The following STK4 variants were observed in gnomAD, a reference collection of about 807,000 sequenced individuals.
STK4 encodes the protein serine/threonine-protein kinase 4.
STK4 carries 30 observed loss-of-function variants against 64.9 expected under a neutral mutation model. That is an observed-to-expected ratio of 0.46 (90% CI 0.35 to 0.63). The LOEUF (loss-of-function observed/expected upper bound fraction) is 0.63. STK4 is among the 20% of genes least tolerant of loss of function. The pLI is 0.01. For missense variants in STK4, 466 were observed against 598.5 expected (o/e 0.78, Z 2.31); for synonymous variants, 177 against 199.0 (o/e 0.89, Z 0.93).
Position 45,019,077 on chromosome 20 carries a change from A to G in STK4, c.1148-5896A>G, listed in dbSNP as rs530561343. 5.6e-3 allele frequency among the ~76,000 whole-genome samples: 846 copies of G among 152,274 alleles called. 3 individuals carry two copies. Among genetic ancestry groups the G allele is most frequent in the Non-Finnish European group, 8.6e-3 (587 of 68,018 alleles). The stretch of plus-strand genomic sequence containing the variant: ...TAATTTATATGTCATAAAATTTGCC[A>G]TTTTAAAGCATAGAATTCAGTGTTT... On this transcript the variant is annotated intron_variant, in intron 9 of 10. Transcript: ENST00000372806.
intron 7 of STK4, 90 bp from the exon 8 acceptor site, chr20:45,000,302 A>G (rs1449435316): frequency 3.4e-6 from 5 of 1,455,308 alleles, no homozygotes; most frequent in Non-Finnish European, 4.6e-6. Context: ...GATTCAACAC[A>G]TGTTATCCAG....
Position 44,987,187 on chromosome 20 carries a change from A to G in STK4, c.416A>G (p.Tyr139Cys). The G allele has an allele frequency of 1.9e-6, 3 of 1,611,920 alleles. No homozygotes were observed. The highest frequency in any genetic ancestry group is 1.7e-6 in the Non-Finnish European group (2 of 1,178,788). Residue 139 changes from tyrosine to cysteine, a missense_variant, in exon 5 of 11, where the codon TAC becomes TGC. By Grantham distance (194) the Tyr-to-Cys change is radical. Around this residue, in one of 2 missense-constraint regions of STK4, gnomAD observed 190 missense variants for 289.7 expected, o/e 0.66. Coordinates refer to ENST00000372806, the MANE Select transcript of STK4 (RefSeq NM_006282.5). ...ILQSTLKGLE[Y>C]LHFMRKIHRD... ...CAATCAACTCTTAAGGGACTTGAATACCTTCATTTTATGAGAAAAATACAC... is the reference window on the plus strand; with the variant it reads ...CAATCAACTCTTAAGGGACTTGAATGCCTTCATTTTATGAGAAAAATACAC...
At chr20:45,012,386 G>T (rs1224952450) in intron 9 of STK4, among the ~76,000 whole-genome samples, 1 of 152,092 alleles carries the variant, frequency 6.6e-6, no homozygotes, top group Non-Finnish European at 1.5e-5. Flanking sequence ...AATACTACTG[G>T]AATTTTGACT....
chr20:44,984,314 C>A (rs1050975274), intron 4 of STK4, among the ~76,000 whole-genome samples: 1 of 147,542 alleles, frequency 6.8e-6, no homozygotes, highest in Non-Finnish European at 1.5e-5. Flanking sequence ...CCTGCCTTAG[C>A]CTCCCTGGTA....
chr20:45,058,096 C>T (rs886571128), intron 10 of STK4, among the ~76,000 whole-genome samples: 2 of 150,790 alleles, frequency 1.3e-5, no homozygotes, highest in Non-Finnish European at 3.0e-5. Context: ...CACCCCTACC[C>T]CTATCTAGAC....
At chr20:45,026,896 T>G (rs2068357811) in intron 10 of STK4, among the ~76,000 whole-genome samples, 1 of 152,182 alleles carries the variant, frequency 6.6e-6, no homozygotes, top group African/African-American at 2.4e-5. Flanking sequence ...CACACCAGGC[T>G]GCCACTGCTA....
chr20:44,967,169 G>C (rs1166182502), intron 1 of STK4: 1 of 985,200 alleles, frequency 1.0e-6, no homozygotes, highest in Non-Finnish European at 1.2e-6. Context: ...GGATGCTGTT[G>C]GTGGTGTCCC....
At chr20:45,007,592 T>G (rs529034628) in intron 9 of STK4, among the ~76,000 whole-genome samples, 1 of 151,978 alleles carries the variant, frequency 6.6e-6, no homozygotes, top group Non-Finnish European at 1.5e-5. Context: ...GAGTCTATGC[T>G]CTCTTCATTC....
chr20:45,073,030 G>C lies in STK4; in HGVS notation c.1306-1988G>C, dbSNP rs548077511. On this transcript the variant is annotated intron_variant, in intron 10 of 10. Coordinates refer to ENST00000372806, the MANE Select transcript of STK4 (RefSeq NM_006282.5). ...TCCAAAGGAGGAAACCGAGGCTCAAGAGGTGAAATTACTGTTTAAGGTTAC... is the reference window on the plus strand; with the variant it reads ...TCCAAAGGAGGAAACCGAGGCTCAACAGGTGAAATTACTGTTTAAGGTTAC... Among the ~76,000 whole-genome samples, 60 of 152,272 alleles carry C rather than the reference G, an allele frequency of 3.9e-4. 1 individual carries two copies. In the South Asian group the frequency reaches 0.012, roughly 31 times the overall value.
intron 6 of STK4, 82 bp from the exon 7 acceptor site, chr20:44,997,087 A>G: frequency 6.3e-7 from 1 of 1,586,300 alleles, no homozygotes. Context: ...CCAAGCTTCA[A>G]ATGTAATTCC....
At chr20:45,058,864 C>T (rs1017962743) in intron 10 of STK4, among the ~76,000 whole-genome samples, 7 of 152,146 alleles carry the variant, frequency 4.6e-5, no homozygotes, top group Non-Finnish European at 1.0e-4. Flanking sequence ...ACATCAAGAG[C>T]CTCGCATTCT....
At chr20:45,008,516 A>G (rs1203501296) in intron 9 of STK4, among the ~76,000 whole-genome samples, 2 of 152,170 alleles carry the variant, frequency 1.3e-5, no homozygotes, top group East Asian at 3.8e-4. Flanking sequence ...TCATCGTATG[A>G]ATGCATGTGC....
intron 10 of STK4, chr20:45,053,010 C>G (rs1407448898): frequency 6.2e-6 from 7 of 1,125,326 alleles, no homozygotes; most frequent in Non-Finnish European, 9.2e-6. Flanking sequence ...TCCTGTAAAG[C>G]TTGGTTTAAA....
At chr20:45,057,905 G>C (rs138091055) in intron 10 of STK4, among the ~76,000 whole-genome samples, 1 of 152,022 alleles carries the variant, frequency 6.6e-6, no homozygotes, top group Non-Finnish European at 1.5e-5. Context: ...AACAGTTGCC[G>C]AAAAGAATAA....
intron 3 of STK4, among the ~76,000 whole-genome samples, chr20:44,979,375 A>G (rs2067397286): frequency 6.6e-6 from 1 of 152,180 alleles, no homozygotes; most frequent in Non-Finnish European, 1.5e-5. Flanking sequence ...GTACCTACGT[A>G]TTTATTTTTG....
intron 10 of STK4, among the ~76,000 whole-genome samples, chr20:45,069,310 C>T (rs944419962): frequency 1.3e-5 from 2 of 152,210 alleles, no homozygotes; most frequent in South Asian, 4.1e-4. Context: ...GGTCTGATCT[C>T]TTCAGCAAAA....
intron 10 of STK4, among the ~76,000 whole-genome samples, chr20:45,053,566 C>T (rs1174946294): frequency 6.6e-6 from 1 of 152,128 alleles, no homozygotes; most frequent in Non-Finnish European, 1.5e-5. Context: ...CAATAAGTAT[C>T]CTAGCACCTT....
intron 8 of STK4, among the ~76,000 whole-genome samples, chr20:45,000,880 C>G (rs1244151275): frequency 6.6e-6 from 1 of 152,168 alleles, no homozygotes; most frequent in Admixed American, 6.5e-5. Flanking sequence ...CTTCACAACC[C>G]TGAGATTCCA....
intron 10 of STK4, among the ~76,000 whole-genome samples, chr20:45,038,237 CTTGA>C (rs1478716293): frequency 4.6e-5 from 7 of 152,052 alleles, no homozygotes; most frequent in Admixed American, 1.3e-4. Context: ...ACCCACACTG[CTTGA>C]TTGTTTTGAA....
Sources: gnomAD v4.1 joint callset for allele counts (sites outside exome capture counted in the v4.1 genomes callset) on GRCh38, gnomAD v4.1.1 for gene constraint, gnomAD v4.1.1 regional missense constraint, MANE v1.5 for transcripts, NCBI Gene and HGNC (gene_info 2026-07-23, HGNC 2026-07-21) for gene names.